The following HOOK3 variants were observed in gnomAD, a reference collection of about 807,000 sequenced individuals.
HOOK3 encodes protein Hook homolog 3.
Under a neutral mutation model 116.3 loss-of-function variants are expected in HOOK3, and 24 were observed. That is an observed-to-expected ratio of 0.21 (90% CI 0.15 to 0.29). The LOEUF is 0.29. HOOK3 is among the 10% of genes least tolerant of loss of function. The pLI, the probability that HOOK3 is intolerant of heterozygous loss-of-function variation, is 1.00. For missense variants in HOOK3, 632 were observed against 830.2 expected, an observed-to-expected ratio of 0.76 and a Z score of 2.93; for synonymous variants, 275 against 283.0, an observed-to-expected ratio of 0.97 and a Z score of 0.28.
intron 5 of HOOK3, among the ~76,000 whole-genome samples, chr8:42,945,218 T>G (rs772383937): frequency 1.3e-5 from 2 of 152,218 alleles, no homozygotes; most frequent in African/African-American, 2.4e-5. Context: ...GTACAGTGTC[T>G]TGCACATAGT....
chr8:42,910,460 G>T lies in HOOK3; in HGVS notation c.143+4202G>T, dbSNP rs538119200. Among the ~76,000 whole-genome samples the T allele has an allele frequency of 3.4e-4, 51 of 152,180 alleles. 1 individual carries two copies. The South Asian group carries it at 0.01, about 31-fold the overall frequency. ...GCGTATCTCCTATAACGTCCACTCA[G>T]ATTGAGATACAGAACTTTCCAGCTC... On this transcript the variant is annotated intron_variant, in intron 2 of 21. Coordinates refer to ENST00000307602, the MANE Select transcript of HOOK3 (RefSeq NM_032410.4).
chr8:42,910,505 A>G (rs774817922), intron 2 of HOOK3, among the ~76,000 whole-genome samples: 1 of 152,242 alleles, frequency 6.6e-6, no homozygotes, highest in Non-Finnish European at 1.5e-5. Context: ...CAATACCGCT[A>G]TGCCAAAGAT....
At chr8:42,906,704 G>A (rs75476480) in intron 2 of HOOK3, among the ~76,000 whole-genome samples, 4,504 of 152,152 alleles carry the variant, frequency 0.03, 96 homozygotes, top group African/African-American at 0.055. Context: ...TCAAGTTTGT[G>A]ACACCATCTG....
intron 8 of HOOK3, among the ~76,000 whole-genome samples, chr8:42,962,003 T>TCTTA (rs1320407728): frequency 6.6e-6 from 1 of 152,120 alleles, no homozygotes; most frequent in Non-Finnish European, 1.5e-5. Flanking sequence ...CCCAGGCTGG[T>TCTTA]CTTAAACTCC....
chr8:42,957,033 G>A (rs1808449672), intron 6 of HOOK3, 61 bp from the exon 7 acceptor site: 1 of 854,868 alleles, frequency 1.2e-6, no homozygotes, highest in African/African-American at 1.7e-5. Context: ...CTTATGTTAA[G>A]TATTTTATGT....
chr8:42,959,550 C>T (rs757979044), intron 8 of HOOK3, among the ~76,000 whole-genome samples: 1 of 151,776 alleles, frequency 6.6e-6, no homozygotes, highest in Non-Finnish European at 1.5e-5. Context: ...GAAACCCCAT[C>T]TCTACTAAAA....
intron 18 of HOOK3, among the ~76,000 whole-genome samples, chr8:43,009,727 G>A (rs904348332): frequency 2.6e-5 from 4 of 152,036 alleles, no homozygotes; most frequent in Non-Finnish European, 5.9e-5. Flanking sequence ...GTGACATTAA[G>A]GACATTCACA....
At chr8:42,939,454 T>A (rs1254323847) in intron 4 of HOOK3, among the ~76,000 whole-genome samples, 1 of 138,622 alleles carries the variant, frequency 7.2e-6, no homozygotes, top group African/African-American at 2.7e-5. Flanking sequence ...GGCTCCTCAC[T>A]TCCCAGTAGG....
chr8:42,981,621 C>T (rs1175460505), intron 13 of HOOK3, among the ~76,000 whole-genome samples: 1 of 152,116 alleles, frequency 6.6e-6, no homozygotes, highest in African/African-American at 2.4e-5. Context: ...TGGTGGCTCA[C>T]GCCTTTAATC....
chr8:43,009,406 G>T (rs1809560077), intron 18 of HOOK3, among the ~76,000 whole-genome samples: 1 of 151,482 alleles, frequency 6.6e-6, no homozygotes, highest in South Asian at 2.1e-4. Flanking sequence ...AAAAAAGAAA[G>T]AAAGAAATAG....
chr8:42,988,487 T>C (rs1027223857), intron 15 of HOOK3, among the ~76,000 whole-genome samples: 3 of 152,244 alleles, frequency 2.0e-5, no homozygotes, highest in African/African-American at 4.8e-5. Flanking sequence ...TTGTCATTTA[T>C]ACAGTGTCCA....
chr8:43,013,526 C>A, intron 21 of HOOK3, 126 bp downstream of exon 21: 1 of 682,410 alleles, frequency 1.5e-6, no homozygotes, highest in Non-Finnish European at 2.3e-6. Context: ...CTAACATACA[C>A]TAACAGAATC....
intron 2 of HOOK3, among the ~76,000 whole-genome samples, chr8:42,914,097 C>A (rs1807485811): frequency 6.6e-6 from 1 of 152,200 alleles, no homozygotes; most frequent in Non-Finnish European, 1.5e-5. Flanking sequence ...CCACAGGCTT[C>A]ATATACCAGG....
chr8:43,025,262 C>T lies in HOOK3; in HGVS notation c.*6764C>T. ...AAGTTTTCTGTTTTCTTATAATTTC[C>T]AGTAATACTCTGTAAGACTCGGTTT... On this transcript the variant is annotated 3_prime_UTR_variant, in exon 22 of 22. Coordinates refer to ENST00000307602, the MANE Select transcript of HOOK3 (RefSeq NM_032410.4). 1 of 207,682 alleles carries T rather than the reference C, an allele frequency of 4.8e-6. No individual in the cohort carries two copies. Among genetic ancestry groups the T allele is most frequent in the Non-Finnish European group, 9.8e-6 (1 of 101,888 alleles). 12.9% of individuals were successfully genotyped at this position (207,682 alleles called of 1,614,324 possible).
chr8:42,950,874 A>T (rs537463428), intron 6 of HOOK3, among the ~76,000 whole-genome samples: 27 of 152,030 alleles, frequency 1.8e-4, no homozygotes, highest in African/African-American at 5.8e-4. Flanking sequence ...TTTAGTAAAG[A>T]TGGGGTTTCA....
chr8:43,006,362 T>C (rs976801690), intron 17 of HOOK3, among the ~76,000 whole-genome samples: 6 of 151,986 alleles, frequency 3.9e-5, no homozygotes, highest in South Asian at 4.1e-4. Context: ...TTGCCCAGGC[T>C]GGAGTGCAGT....
At chr8:42,909,403 T>C (rs889494431) in intron 2 of HOOK3, among the ~76,000 whole-genome samples, 10 of 152,214 alleles carry the variant, frequency 6.6e-5, no homozygotes, top group Non-Finnish European at 1.0e-4. Context: ...AAGTGCCTAT[T>C]AGCGAATGGA....
chr8:42,946,533 C>A lies in HOOK3; in HGVS notation c.400+3088C>A, dbSNP rs983555086. ...AAGACGATGAATTTTTTTTTTTAAGCCCAAAGGTTTTTTTCTTGTTTCCCC... is the reference window on the plus strand; with the variant it reads ...AAGACGATGAATTTTTTTTTTTAAGACCAAAGGTTTTTTTCTTGTTTCCCC... On this transcript the variant is annotated intron_variant, in intron 5 of 21. Coordinates refer to ENST00000307602, the MANE Select transcript of HOOK3 (RefSeq NM_032410.4). Among the ~76,000 whole-genome samples, 6 of 151,686 alleles carry A rather than the reference C, an allele frequency of 4.0e-5. No homozygotes were observed. In the South Asian group the frequency reaches 1.2e-3, roughly 32 times the overall value.
At chr8:42,913,073 C>T (rs563036130) in intron 2 of HOOK3, among the ~76,000 whole-genome samples, 20 of 152,144 alleles carry the variant, frequency 1.3e-4, no homozygotes, top group African/African-American at 4.8e-4. Context: ...CTTTTTGTGA[C>T]TTGATGGCTC....
Sources: gnomAD v4.1 joint callset for allele counts (sites outside exome capture counted in the v4.1 genomes callset) on GRCh38, gnomAD v4.1.1 for gene constraint, MANE v1.5 for transcripts, NCBI Gene and HGNC (gene_info 2026-07-23, HGNC 2026-07-21) for gene names.